Variants in TMTC2 observed in about 807,000 individuals in gnomAD.
The protein encoded by TMTC2 is transmembrane O-mannosyltransferase targeting cadherins 2, also known as protein O-mannosyl-transferase TMTC2.
In TMTC2, 43 loss-of-function variants were observed where a neutral mutation model predicts 82.4. The observed-to-expected ratio is 0.52, with a 90% confidence interval of 0.41 to 0.67. The LOEUF (loss-of-function observed/expected upper bound fraction) is 0.67, where lower values mean the gene tolerates loss of function less well. Ranked by LOEUF, TMTC2 falls within the 30% of genes least tolerant of loss-of-function variation. TMTC2 has a pLI of 0.00. For synonymous variants in TMTC2, 408 were observed against 381.9 expected, an observed-to-expected ratio of 1.07 and a Z score of -0.80; for missense variants, 919 against 1,012.4, an observed-to-expected ratio of 0.91 and a Z score of 1.25.
intron 11 of TMTC2, among the ~76,000 whole-genome samples, chr12:83,093,794 A>T (rs1385409582): frequency 6.6e-6 from 1 of 152,222 alleles, no homozygotes; most frequent in African/African-American, 2.4e-5. Context: ...ATCAGTAAAT[A>T]CTTATTGGGT....
intron 1 of TMTC2, among the ~76,000 whole-genome samples, chr12:82,804,861 AAC>A (rs1436015931): frequency 1.3e-5 from 2 of 152,146 alleles, no homozygotes; most frequent in Admixed American, 6.5e-5. Flanking sequence ...GCCCTACGTA[AAC>A]ACAGTGGATT....
At chr12:82,819,837 C>T (rs1032276893) in intron 1 of TMTC2, among the ~76,000 whole-genome samples, 1 of 152,026 alleles carries the variant, frequency 6.6e-6, no homozygotes, top group Non-Finnish European at 1.5e-5. Flanking sequence ...TATTAGGGTT[C>T]TCTACAGAGA....
chr12:83,059,791 T>C (rs1226150763), intron 10 of TMTC2, among the ~76,000 whole-genome samples: 2 of 151,780 alleles, frequency 1.3e-5, no homozygotes, highest in Non-Finnish European at 2.9e-5. Flanking sequence ...TTGATCCTTA[T>C]CTACCTCATT....
intron 1 of TMTC2, among the ~76,000 whole-genome samples, chr12:82,783,169 C>T (rs1877990989): frequency 6.6e-6 from 1 of 151,968 alleles, no homozygotes; most frequent in Non-Finnish European, 1.5e-5. Flanking sequence ...GTAGGGCTGG[C>T]CATTTAAATA....
At chr12:82,907,199 C>T (rs1271916999) in intron 3 of TMTC2, among the ~76,000 whole-genome samples, 1 of 152,054 alleles carries the variant, frequency 6.6e-6, no homozygotes, top group Admixed American at 6.6e-5. Context: ...CGTGGTGGCT[C>T]ATGCCTATAA....
At chr12:83,097,538 G>A (rs1054799773) in intron 11 of TMTC2, among the ~76,000 whole-genome samples, 1 of 152,090 alleles carries the variant, frequency 6.6e-6, no homozygotes, top group South Asian at 2.1e-4. Flanking sequence ...CCTGTTCACT[G>A]TCAACACTGC....
chr12:82,779,016 G>A (rs532857029), intron 1 of TMTC2, among the ~76,000 whole-genome samples: 3 of 143,648 alleles, frequency 2.1e-5, no homozygotes, highest in East Asian at 2.0e-4. Flanking sequence ...CAACCTGGGC[G>A]ACAGAGCGAG....
At chr12:82,953,749 C>A (rs1344606152) in intron 4 of TMTC2, among the ~76,000 whole-genome samples, 2 of 151,648 alleles carry the variant, frequency 1.3e-5, no homozygotes, top group Non-Finnish European at 2.9e-5. Context: ...TGACTGCAAC[C>A]AATGTTGGTT....
chr12:82,782,827 G>A (rs1467741784), intron 1 of TMTC2, among the ~76,000 whole-genome samples: 1 of 152,052 alleles, frequency 6.6e-6, no homozygotes, highest in Non-Finnish European at 1.5e-5. Flanking sequence ...TTACTTCTAA[G>A]TAGCCTCTTT....
intron 1 of TMTC2, among the ~76,000 whole-genome samples, chr12:82,703,366 C>T (rs187204726): frequency 6.6e-6 from 1 of 152,218 alleles, no homozygotes; most frequent in East Asian, 1.9e-4. Flanking sequence ...AGGATTTTGC[C>T]TCTTCCTTGC....
chr12:83,107,747 G>A (rs531737950), intron 11 of TMTC2, among the ~76,000 whole-genome samples: 9 of 124,022 alleles, frequency 7.3e-5, no homozygotes, highest in Admixed American at 1.7e-4. Context: ...ACCTATGCAC[G>A]TCTTTTTCTG....
intron 11 of TMTC2, among the ~76,000 whole-genome samples, chr12:83,122,068 GC>G (rs1884968009): frequency 3.9e-5 from 6 of 152,040 alleles, no homozygotes; most frequent in African/African-American, 7.2e-5. Context: ...CTTACCCCAT[GC>G]TACCCGCTTC....
chr12:82,876,085 T>G (rs1872529144), intron 2 of TMTC2, among the ~76,000 whole-genome samples: 2 of 131,170 alleles, frequency 1.5e-5, no homozygotes, highest in Admixed American at 7.2e-5. Context: ...ATGATGGTGA[T>G]TAGTATTCAT....
chr12:82,831,115 T>G (rs966433179), intron 1 of TMTC2, among the ~76,000 whole-genome samples: 1 of 152,198 alleles, frequency 6.6e-6, no homozygotes, highest in South Asian at 2.1e-4. Flanking sequence ...AAATATCAAA[T>G]AAGTTTAACA....
At chr12:82,945,037 C>T (rs575198394) in intron 4 of TMTC2, among the ~76,000 whole-genome samples, 5 of 152,108 alleles carry the variant, frequency 3.3e-5, no homozygotes, top group Admixed American at 2.6e-4. Context: ...GCTTTCAAAT[C>T]AAATTGAATC....
intron 4 of TMTC2, among the ~76,000 whole-genome samples, chr12:82,947,578 C>T (rs147712592): frequency 0.049 from 7,324 of 149,424 alleles, 718 homozygotes; most frequent in African/African-American, 0.18. Context: ...GATCCGCCTG[C>T]CTCGGCCTCC....
intron 4 of TMTC2, among the ~76,000 whole-genome samples, chr12:82,944,813 T>C (rs1876913138): frequency 6.6e-6 from 1 of 152,160 alleles, no homozygotes; most frequent in African/African-American, 2.4e-5. Flanking sequence ...TGTTATTCAC[T>C]TCTCCTCCAC....
At chr12:83,055,184 C>A (rs1017755154) in intron 10 of TMTC2, among the ~76,000 whole-genome samples, 1 of 152,006 alleles carries the variant, frequency 6.6e-6, no homozygotes, top group African/African-American at 2.4e-5. Flanking sequence ...CTCTGAATTC[C>A]ATTCTCTTGA....
intron 1 of TMTC2, 40 bp from the exon 2 acceptor site, chr12:82,856,970 G>T (rs1276868180): frequency 6.4e-7 from 1 of 1,552,174 alleles, no homozygotes; most frequent in Admixed American, 1.9e-5. Context: ...CTTTCTTTCT[G>T]TGTTTTACAT....
Sources: allele counts gnomAD v4.1 joint callset (sites outside exome capture counted in the v4.1 genomes callset), GRCh38; gene constraint gnomAD v4.1.1; transcripts MANE v1.5; gene names NCBI Gene and HGNC (gene_info 2026-07-23, HGNC 2026-07-21).